PDE11A: variants seen among roughly 807,000 people sequenced by gnomAD.
The protein encoded by PDE11A is dual 3',5'-cyclic-AMP and -GMP phosphodiesterase 11A.
In PDE11A, 100 loss-of-function variants were observed where a neutral mutation model predicts 100.5. The observed-to-expected ratio is 1.00, with a 90% CI of 0.85 to 1.18. The LOEUF is 1.18. PDE11A is among the 50% of genes most tolerant of loss of function. PDE11A has a pLI of 0.00. For missense variants in PDE11A, 1,141 were observed against 1,152.6 expected (o/e 0.99, Z 0.15); for synonymous variants, 381 against 420.8 (o/e 0.91, Z 1.16).
intron 5 of PDE11A, among the ~76,000 whole-genome samples, chr2:177,849,611 T>TTTTA (rs1321711943): frequency 6.6e-5 from 10 of 151,784 alleles, no homozygotes; most frequent in East Asian, 3.9e-4. Context: ...ATAAAATACC[T>TTTTA]TTTATTTATT....
At chr2:177,709,739 C>T (rs746904259) in intron 13 of PDE11A, among the ~76,000 whole-genome samples, 2 of 152,100 alleles carry the variant, frequency 1.3e-5, no homozygotes, top group Non-Finnish European at 2.9e-5. Context: ...GATGAAAACC[C>T]TTTGTCTGTG....
intron 9 of PDE11A, among the ~76,000 whole-genome samples, chr2:177,773,538 A>C (rs1185297476): frequency 6.6e-6 from 1 of 152,106 alleles, no homozygotes; most frequent in Non-Finnish European, 1.5e-5. Flanking sequence ...GCTTTTTTGG[A>C]TTGTATCCTG....
In PDE11A at chr2:177,727,773, G is replaced by A. The variant is rs746996356; in HGVS notation, c.1936-8C>T. Reference sequence around the variant, plus strand: ...AAGCCACCTACACAGTGTCTGAAATGGGAGGGAGAGGGTGCGTCAGGCAGT... The same window carrying A: ...AAGCCACCTACACAGTGTCTGAAATAGGAGGGAGAGGGTGCGTCAGGCAGT... On this transcript the variant is annotated splice_polypyrimidine_tract_variant and splice_region_variant and intron_variant, in intron 11 of 19. Coordinates refer to ENST00000286063, the MANE Select transcript of PDE11A (RefSeq NM_016953.4). 10 of 1,506,608 alleles carry A rather than the reference G, an allele frequency of 6.6e-6. No individual in the cohort carries two copies. In the South Asian group the frequency reaches 9.0e-5, roughly 14 times the overall value. The allele number at this position is 1,506,608 out of a possible 1,614,324, so 93.3% of individuals were successfully genotyped here.
intron 9 of PDE11A, among the ~76,000 whole-genome samples, chr2:177,787,606 G>C (rs979449835): frequency 1.3e-5 from 2 of 150,964 alleles, no homozygotes; most frequent in African/African-American, 4.9e-5. Flanking sequence ...ATTGGATAAA[G>C]AGTCAAGACC....
At chr2:177,939,430 G>C (rs1034780066) in intron 2 of PDE11A, among the ~76,000 whole-genome samples, 8 of 141,956 alleles carry the variant, frequency 5.6e-5, no homozygotes, top group Admixed American at 2.1e-4. Flanking sequence ...AAGGAAGGGA[G>C]GAGGAAGGGA....
chr2:178,058,165 G>A (rs1205778815), intron 1 of PDE11A, among the ~76,000 whole-genome samples: 1 of 152,136 alleles, frequency 6.6e-6, no homozygotes. Flanking sequence ...CCCTAGCTCA[G>A]CATTATTAGC....
intron 1 of PDE11A, among the ~76,000 whole-genome samples, chr2:178,056,257 A>G (rs2086897987): frequency 6.6e-6 from 1 of 152,300 alleles, no homozygotes; most frequent in Non-Finnish European, 1.5e-5. Context: ...TTTTCTGTAT[A>G]CAAAAGAAAG....
At chr2:177,939,980 A>T (rs1159284507) in intron 2 of PDE11A, among the ~76,000 whole-genome samples, 1 of 152,248 alleles carries the variant, frequency 6.6e-6, no homozygotes, top group Non-Finnish European at 1.5e-5. Flanking sequence ...ATGCAAAAAT[A>T]GTTTTTCAAT....
intron 10 of PDE11A, among the ~76,000 whole-genome samples, chr2:177,747,689 G>T (rs2105473084): frequency 6.6e-6 from 1 of 152,236 alleles, no homozygotes; most frequent in East Asian, 1.9e-4. Context: ...TTTGAATTTT[G>T]GGTTCTCAGG....
At chr2:177,695,021 C>A (rs2081089476) in intron 15 of PDE11A, among the ~76,000 whole-genome samples, 1 of 150,918 alleles carries the variant, frequency 6.6e-6, no homozygotes, top group Non-Finnish European at 1.5e-5. Flanking sequence ...GTTTGTTTGG[C>A]CTCTGTCTTT....
rs377580542 is a variant in PDE11A at position 177,626,288 on chromosome 2, T to C, written c.*3119A>G. The stretch of plus-strand genomic sequence containing the variant: ...TCAGACCCTGGGTCCAGTTTTGTCA[T>C]AAAGCACATGCTTTAAAATGTTGCT... On this transcript the variant is annotated 3_prime_UTR_variant, in exon 20 of 20. Coordinates refer to ENST00000286063, the MANE Select transcript of PDE11A (RefSeq NM_016953.4). The C allele has an allele frequency of 1.3e-5, 2 of 152,628 alleles. No individual in the cohort carries two copies. The highest frequency in any genetic ancestry group is 4.8e-5 in the African/African-American group (2 of 41,464). 9.5% of individuals were successfully genotyped at this position (152,628 alleles called of 1,614,324 possible). A position where few individuals can be genotyped will look rare whatever the true frequency, so the allele number is the denominator to read the frequency against.
chr2:177,662,705 A>C (rs1413634959), intron 19 of PDE11A, among the ~76,000 whole-genome samples: 1 of 152,252 alleles, frequency 6.6e-6, no homozygotes, highest in Non-Finnish European at 1.5e-5. Context: ...TAAAATAAGC[A>C]GTTGTAGATT....
intron 13 of PDE11A, among the ~76,000 whole-genome samples, chr2:177,706,978 T>C (rs541890233): frequency 7.2e-5 from 11 of 152,300 alleles, no homozygotes; most frequent in African/African-American, 1.2e-4. Context: ...CTTCATGTCT[T>C]TGAACTGTTG....
rs754126444 is a variant in PDE11A, at chr2:177,766,989, ATGT to A, written c.1788+2331_1788+2333del. 1.1e-4 allele frequency among the ~76,000 whole-genome samples: 16 copies of A among 152,304 alleles called. No individual in the cohort carries two copies. The East Asian group carries it at 2.9e-3, about 28-fold the overall frequency. On this transcript the variant is annotated intron_variant, in intron 10 of 19. Coordinates refer to ENST00000286063, the MANE Select transcript of PDE11A (RefSeq NM_016953.4). ...GAAATGCATACCAAATTCCAGGACA[ATGT>A]TTTCTTTAAGCAAAAAATTAAGCCT...
At chr2:177,889,424 G>T (rs1341083618) in intron 4 of PDE11A, among the ~76,000 whole-genome samples, 1 of 151,988 alleles carries the variant, frequency 6.6e-6, no homozygotes, top group Non-Finnish European at 1.5e-5. Context: ...TGTTCCTTCA[G>T]TCTGTAAATC....
intron 2 of PDE11A, among the ~76,000 whole-genome samples, chr2:177,940,196 C>T (rs17329956): frequency 0.075 from 11,371 of 152,142 alleles, 427 homozygotes; most frequent in South Asian, 0.1. Context: ...ATCTAATCTG[C>T]ACAGGATGAA....
chr2:178,040,292 G>C (rs936873325), intron 1 of PDE11A, among the ~76,000 whole-genome samples: 12 of 152,042 alleles, frequency 7.9e-5, no homozygotes, highest in African/African-American at 2.9e-4. Flanking sequence ...CTGACCTCAA[G>C]TGATCCACCC....
intron 2 of PDE11A, among the ~76,000 whole-genome samples, chr2:178,088,765 G>T (rs535438706): frequency 6.6e-6 from 1 of 152,176 alleles, no homozygotes; most frequent in African/African-American, 2.4e-5. Context: ...AATTCTCCTG[G>T]TTCCTGTTAA....
At chr2:177,656,917 A>C (rs76023881) in intron 19 of PDE11A, among the ~76,000 whole-genome samples, 10,845 of 152,220 alleles carry the variant, frequency 0.071, 470 homozygotes, top group East Asian at 0.18. Context: ...GGCAGGGTGA[A>C]AGGAGATGAG....
Sources: allele counts gnomAD v4.1 joint callset (sites outside exome capture counted in the v4.1 genomes callset), GRCh38; gene constraint gnomAD v4.1.1; transcripts MANE v1.5; gene names NCBI Gene and HGNC (gene_info 2026-07-23, HGNC 2026-07-21).